Variants in LRRC24 observed in about 807,000 individuals in gnomAD.
LRRC24 encodes leucine-rich repeat-containing protein 24.
A neutral mutation model predicts 15.3 loss-of-function variants in LRRC24; 19 were observed. The observed-to-expected ratio is 1.25, with a 90% confidence interval of 0.87 to 1.83. LRRC24 has a LOEUF of 1.83. LRRC24 is among the 40% of genes most tolerant of loss of function. The pLI, the probability that LRRC24 is intolerant of heterozygous loss-of-function variation, is 0.00. For synonymous variants in LRRC24, 469 were observed against 359.6 expected (o/e 1.30, Z -3.44); for missense variants, 914 against 723.9 (o/e 1.26, Z -3.01).
chr8:144,523,537 G>A (rs866242319), intron 4 of LRRC24, 128 bp from the exon 5 acceptor site: 1 of 1,341,778 alleles, frequency 7.5e-7, no homozygotes, highest in Non-Finnish European at 9.4e-7. Flanking sequence ...CGGAGTCCAA[G>A]GCCCTGCCAC....
intron 1 of LRRC24, among the ~76,000 whole-genome samples, chr8:144,525,355 T>C (rs1816324831): frequency 6.6e-6 from 1 of 152,216 alleles, no homozygotes; most frequent in African/African-American, 2.4e-5. Flanking sequence ...TGTCGCTTGC[T>C]GCCCCCGACT....
Position 144,524,108 on chromosome 8 carries a change from A to C in LRRC24, c.607+2T>G. The C allele has an allele frequency of 1.9e-6, 3 of 1,596,046 alleles. No homozygotes were observed. The highest frequency in any genetic ancestry group is 2.6e-6 in the Non-Finnish European group (3 of 1,167,566). ...CAGAGACGCTTTCCGAGGAAGAGGT[A>C]CCTGTGAGGCGCAGGACTTGCAGAC... On this transcript the variant is annotated splice_donor_variant, in intron 4 of 4. Transcript: ENST00000529415. LOFTEE classifies it high-confidence loss of function.
At position 144,523,290 on chromosome 8, in the gene LRRC24, C is replaced by T; in HGVS notation, c.727G>A (p.Ala243Thr). The T allele has an allele frequency of 6.2e-7, 1 of 1,610,924 alleles. No homozygotes were observed. Among genetic ancestry groups the T allele is most frequent in the Middle Eastern group, 1.7e-4 (1 of 6,048 alleles). Residue 243 changes from alanine (A) to threonine (T), a missense_variant, in exon 5 of 5, where the codon GCG becomes ACG. Coordinates refer to ENST00000529415, the MANE Select transcript of LRRC24 (RefSeq NM_001024678.4). ...KIMCAEPPRL[A>T]LQSLLDVSHS... is the part of the protein sequence containing the mutation. The stretch of plus-strand genomic sequence containing the variant: ...GATACGTCCAGGAGACTCTGGAGCG[C>T]CAGGCGCGGGGGCTCTGCACACATG...
Position 144,524,589 on chromosome 8 carries a change from T to A in LRRC24, c.290A>T (p.Gln97Leu), listed in dbSNP as rs1227604720. 1 of 1,536,624 alleles carries A rather than the reference T, an allele frequency of 6.5e-7. No homozygotes were observed. The highest frequency in any genetic ancestry group is 1.2e-5 in the South Asian group (1 of 84,514). ...RALEAGAFRA[Q>L]PRLLELALTS... Reference sequence around the variant, plus strand: ...GAGCGCCAGCTCCAGCAGGCGCGGCTGCGCGCGGAAGGCGCCGGCCTCCAG... The same window carrying A: ...GAGCGCCAGCTCCAGCAGGCGCGGCAGCGCGCGGAAGGCGCCGGCCTCCAG... The change falls in exon 3 of 5, where the codon CAG becomes CTG. Residue 97 changes from glutamine to leucine, a missense_variant. Gln to Leu is a moderately radical substitution (Grantham distance 113). Coordinates refer to ENST00000529415, the MANE Select transcript of LRRC24 (RefSeq NM_001024678.4).
Position 144,522,566 on chromosome 8 carries a change from G to A in LRRC24, c.1451C>T (p.Pro484Leu). 1 of 1,550,142 alleles carries A rather than the reference G, an allele frequency of 6.5e-7. No individual in the cohort carries two copies. The highest frequency in any genetic ancestry group is 8.7e-7 in the Non-Finnish European group (1 of 1,150,500). Residue 484 changes from proline (P) to leucine (L), a missense_variant, in exon 5 of 5, where the codon CCG becomes CTG. By Grantham distance (98) the Pro-to-Leu change is moderately conservative. Coordinates refer to ENST00000529415, the MANE Select transcript of LRRC24 (RefSeq NM_001024678.4). The part of the protein sequence containing the change: ...NRSKPLFAEG[P>L]AEAPADCGPE... ...GCCGCAGTCAGCGGGCGCCTCCGCC[G>A]GACCCTCGGCGAAGAGCGGCTTGGA...
chr8:144,523,508 C>T (rs1312812762), intron 4 of LRRC24, 99 bp from the exon 5 acceptor site: 2 of 1,428,002 alleles, frequency 1.4e-6, no homozygotes, highest in Non-Finnish European at 1.8e-6. Context: ...TCTTTCCCAC[C>T]TCCCACAGCG....
rs767590405 is a variant in LRRC24 at position 144,524,529 on chromosome 8, G to A, written c.350C>T (p.Ala117Val). Residue 117 changes from alanine to valine, a missense_variant, in exon 3 of 5, where the codon GCC (alanine) becomes GTC (valine). Physicochemically the swap from Ala to Val is moderately conservative, Grantham distance 64. Coordinates refer to ENST00000529415, the MANE Select transcript of LRRC24 (RefSeq NM_001024678.4). The stretch of plus-strand genomic sequence containing the variant: ...GCGCAGCTGGGCCAGGCCTACGAAG[G>A]CGCCGCTGCGCAAGCCGCGCAGCCG... ...SNRLRGLRSG[A>V]FVGLAQLRVL... The A allele has an allele frequency of 9.7e-5, 154 of 1,588,256 alleles. No individual in the cohort carries two copies. The highest frequency in any genetic ancestry group is 8.9e-4 in the Middle Eastern group (5 of 5,622).
At position 144,522,873 on chromosome 8, in the gene LRRC24, G is replaced by GGCGGGCGGCCGGAGGC; in HGVS notation, c.1128_1143dup (p.Pro382AlafsTer114). On this transcript the variant is annotated frameshift_variant, in exon 5 of 5. Coordinates refer to ENST00000529415, the MANE Select transcript of LRRC24 (RefSeq NM_001024678.4). LOFTEE classifies it low-confidence loss of function (END_TRUNC). The stretch of plus-strand genomic sequence containing the variant: ...TCGGGCCGGGGCTCGCTGCCGGCGG[G>GGCGGGCGGCCGGAGGC]GCGGGCGGCCGGAGGCGGCGGTTGC... 1.6e-6 allele frequency: 2 copies of GGCGGGCGGCCGGAGGC among 1,265,570 alleles called. No individual in the cohort carries two copies. The highest frequency in any genetic ancestry group is 2.0e-6 in the Non-Finnish European group (2 of 1,012,316). The allele number at this position is 1,265,570 out of a possible 1,614,324, so 78.4% of individuals were successfully genotyped here.
In LRRC24 at chr8:144,522,838, G is replaced by A. The variant is rs1381818411; in HGVS notation, c.1179C>T (p.Ser393=). Residue 393 remains serine, a synonymous_variant, in exon 5 of 5, where the codon AGC becomes AGT. Coordinates refer to ENST00000529415, the MANE Select transcript of LRRC24 (RefSeq NM_001024678.4). ...AGSEPRPEAG[S]MAFRALGVAT... Reference sequence around the variant, plus strand: ...CCACGCCCAGGGCGCGGAAGGCCATGCTGCCCGCCTCGGGCCGGGGCTCGC... The same window carrying A: ...CCACGCCCAGGGCGCGGAAGGCCATACTGCCCGCCTCGGGCCGGGGCTCGC... 4.3e-6 allele frequency: 6 copies of A among 1,390,558 alleles called. No homozygotes were observed. In the South Asian group the frequency reaches 4.8e-5, roughly 11 times the overall value. The allele number at this position is 1,390,558 out of a possible 1,614,324, so 86.1% of individuals were successfully genotyped here.
In LRRC24 at chr8:144,522,639, C is replaced by G. The variant is rs777501028; in HGVS notation, c.1378G>C (p.Glu460Gln). 5.0e-6 allele frequency: 8 copies of G among 1,584,692 alleles called. No homozygotes were observed. In the East Asian group the frequency reaches 1.7e-4, roughly 33 times the overall value. ...LDGPCTFAQL[E>Q]ELRDERGHEM... Reference sequence around the variant, plus strand: ...TGGCCGCGCTCGTCGCGGAGCTCCTCTAGCTGTGCGAACGTACAGGGGCCG... The same window carrying G: ...TGGCCGCGCTCGTCGCGGAGCTCCTGTAGCTGTGCGAACGTACAGGGGCCG... Residue 460 changes from glutamate (E) to glutamine (Q), a missense_variant, in exon 5 of 5, where the codon GAG (glutamate) becomes CAG (glutamine). Glu to Gln is a conservative substitution (Grantham distance 29). Coordinates refer to ENST00000529415, the MANE Select transcript of LRRC24 (RefSeq NM_001024678.4).
Position 144,524,435 on chromosome 8 carries a change from G to C in LRRC24, c.438+6C>G, listed in dbSNP as rs200001412. On this transcript the variant is annotated splice_donor_region_variant and intron_variant, in intron 3 of 4. Transcript: ENST00000529415. ...TATCCCGCCCCTTTAGACCCCAGGC[G>C]CTCACCGGCAGGTGCAAGAAGGTGA... 5.4e-4 allele frequency: 856 copies of C among 1,597,624 alleles called. No homozygotes were observed. The highest frequency in any genetic ancestry group is 6.7e-4 in the Non-Finnish European group (794 of 1,179,730).
intron 1 of LRRC24, chr8:144,526,230 A>C (rs1338412234): frequency 6.6e-6 from 1 of 152,254 alleles, no homozygotes; most frequent in African/African-American, 2.4e-5. Flanking sequence ...AAGCACAGCA[A>C]TAAAGTTTTA....
At chr8:144,525,528 A>G (rs1816331619) in intron 1 of LRRC24, among the ~76,000 whole-genome samples, 1 of 152,132 alleles carries the variant, frequency 6.6e-6, no homozygotes, top group Non-Finnish European at 1.5e-5. Context: ...CCTCCTTGTT[A>G]TCCTGTGGGG....
rs1488012284 is a variant in LRRC24, at chr8:144,522,466, C to T, written c.*9G>A. 2.1e-6 allele frequency: 3 copies of T among 1,415,418 alleles called. No homozygotes were observed. Among genetic ancestry groups the T allele is most frequent in the Middle Eastern group, 2.4e-4 (1 of 4,170 alleles). The allele number at this position is 1,415,418 out of a possible 1,614,324, so 87.7% of individuals were successfully genotyped here. ...CTCCGGCGCCCACGTCATCCGCGCGCCCGCGGCCCTAGCAGTGGATCTCGT... is the reference window on the plus strand; with the variant it reads ...CTCCGGCGCCCACGTCATCCGCGCGTCCGCGGCCCTAGCAGTGGATCTCGT... On this transcript the variant is annotated 3_prime_UTR_variant, in exon 5 of 5. Coordinates refer to ENST00000529415, the MANE Select transcript of LRRC24 (RefSeq NM_001024678.4).
In LRRC24 at chr8:144,522,517, TCCC is replaced by T; in HGVS notation, c.1497_1499del (p.Gly500del). ...AGGCGACCGGCGGGGGCACGCGGAG[TCCC>T]GGCCCCGCCCCCTGTTCCGGGCCGC... is the stretch of plus-strand genomic sequence containing the variant. On this transcript the variant is annotated inframe_deletion, in exon 5 of 5. Transcript: ENST00000529415. 6.6e-7 allele frequency: 1 copy of T among 1,504,146 alleles called. No homozygotes were observed. Among genetic ancestry groups the T allele is most frequent in the South Asian group, 1.3e-5 (1 of 79,182 alleles). 93.2% of individuals were successfully genotyped at this position (1,504,146 alleles called of 1,614,324 possible). A position where few individuals can be genotyped will look rare whatever the true frequency, so the allele number is the denominator to read the frequency against.
At position 144,523,267 on chromosome 8, in the gene LRRC24, T is replaced by A; in HGVS notation, c.750A>T (p.Val250=). The A allele has an allele frequency of 1.2e-6, 2 of 1,610,912 alleles. No homozygotes were observed. The highest frequency in any genetic ancestry group is 2.2e-5 in the South Asian group (2 of 90,850). ...PRLALQSLLD[V]SHSSLICIPP... ...GAATGCAGATGAGGCTGCTGTGGGATACGTCCAGGAGACTCTGGAGCGCCA... is the reference window on the plus strand; with the variant it reads ...GAATGCAGATGAGGCTGCTGTGGGAAACGTCCAGGAGACTCTGGAGCGCCA... Residue 250 remains valine (V), a synonymous_variant, in exon 5 of 5, where the codon GTA becomes GTT. Transcript: ENST00000529415.
chr8:144,525,719 G>A (rs1816336799), intron 1 of LRRC24: 1 of 152,182 alleles, frequency 6.6e-6, no homozygotes, highest in African/African-American at 2.4e-5. Flanking sequence ...TTCGGTTCAG[G>A]AGCCATGGGT....
Position 144,524,937 on chromosome 8 carries a change from A to G in LRRC24, c.38T>C (p.Leu13Pro). Residue 13 changes from leucine (L) to proline (P), a missense_variant, in exon 2 of 5, where the codon CTG (leucine) becomes CCG (proline). Leu to Pro is a moderately conservative substitution (Grantham distance 98, BLOSUM62 -3). Transcript: ENST00000529415. ...GGCGGCGCGGAGCGGCAGTAGTAGCAGCAGCAGCGGCAGCAGTGCGGGGGC... is the reference window on the plus strand; with the variant it reads ...GGCGGCGCGGAGCGGCAGTAGTAGCGGCAGCAGCGGCAGCAGTGCGGGGGC... ...LRAPALLPLL[L>P]LLLPLRAAGC... 6.6e-7 allele frequency: 1 copy of G among 1,509,728 alleles called. No individual in the cohort carries two copies. Among genetic ancestry groups the G allele is most frequent in the Non-Finnish European group, 8.8e-7 (1 of 1,130,516 alleles). The allele number at this position is 1,509,728 out of a possible 1,614,324, so 93.5% of individuals were successfully genotyped here.
intron 1 of LRRC24, chr8:144,525,893 A>T (rs935608803): frequency 2.0e-5 from 3 of 152,186 alleles, no homozygotes; most frequent in African/African-American, 7.2e-5. Context: ...GAGATCAGCA[A>T]GGAGCAGGGA....
Sources: allele counts gnomAD v4.1 joint callset (sites outside exome capture counted in the v4.1 genomes callset), GRCh38; gene constraint gnomAD v4.1.1; transcripts MANE v1.5; gene names NCBI Gene and HGNC (gene_info 2026-07-23, HGNC 2026-07-21).